The following PKNOX2 variants were observed in gnomAD, a reference collection of about 807,000 sequenced individuals.
The protein encoded by PKNOX2 is PBX/knotted 1 homeobox 2.
Under a neutral mutation model 53.1 loss-of-function variants are expected in PKNOX2, and 14 were observed. The ratio of observed to expected loss-of-function variants is 0.26; its 90% CI spans 0.17 to 0.41. The LOEUF (loss-of-function observed/expected upper bound fraction) is 0.41, where lower values mean the gene tolerates loss of function less well. Ranked by LOEUF, PKNOX2 falls within the 10% of genes least tolerant of loss-of-function variation. The pLI, the probability that PKNOX2 is intolerant of heterozygous loss-of-function variation, is 1.00. For missense variants in PKNOX2, 496 were observed against 602.8 expected (o/e 0.82, Z 1.85); for synonymous variants, 257 against 242.8 (o/e 1.06, Z -0.54).
intron 1 of PKNOX2, among the ~76,000 whole-genome samples, chr11:125,172,832 C>G (rs755355523): frequency 3.3e-4 from 50 of 152,312 alleles, no homozygotes; most frequent in Admixed American, 2.0e-4. Flanking sequence ...GTCTTAAGGA[C>G]AGTGGGGGCC....
At position 125,243,804 on chromosome 11, in the gene PKNOX2, A is replaced by G. The variant is rs559513696; in HGVS notation, c.-130+8689A>G. On this transcript the variant is annotated intron_variant, in intron 2 of 12. Transcript: ENST00000298282. ...TGCCTGGCTAATTTTTTGTATTTTT[A>G]GTAGAGACGGGGTTTCACTGTGTTA... is the stretch of plus-strand genomic sequence containing the variant. Among the ~76,000 whole-genome samples, 164 of 152,052 alleles carry G rather than the reference A, an allele frequency of 1.1e-3. 1 individual carries two copies. The highest frequency in any genetic ancestry group is 3.8e-3 in the African/African-American group (158 of 41,478).
intron 10 of PKNOX2, among the ~76,000 whole-genome samples, chr11:125,425,883 C>T (rs538609879): frequency 7.2e-6 from 1 of 138,716 alleles, no homozygotes; most frequent in South Asian, 2.6e-4. Flanking sequence ...CTGCTACTTA[C>T]CCCACAGCCC....
intron 1 of PKNOX2, among the ~76,000 whole-genome samples, chr11:125,198,638 G>A (rs1938042947): frequency 6.6e-6 from 1 of 152,066 alleles, no homozygotes; most frequent in Admixed American, 6.5e-5. Context: ...TCCGACCTGT[G>A]ATAACAGGGG....
intron 1 of PKNOX2, among the ~76,000 whole-genome samples, chr11:125,199,213 A>G (rs1316979965): frequency 6.6e-6 from 1 of 151,502 alleles, no homozygotes; most frequent in Non-Finnish European, 1.5e-5. Flanking sequence ...GTGGCATGTT[A>G]TTTCCCTTGT....
rs572290603 is a variant in PKNOX2 at position 125,348,649 on chromosome 11, C to G, written c.-22-2635C>G. Reference sequence around the variant, plus strand: ...CTCCCCTCCTTAACCCCACACAGGGCAGCCCTCCTGCTGCTACAAATATTT... The same window carrying G: ...CTCCCCTCCTTAACCCCACACAGGGGAGCCCTCCTGCTGCTACAAATATTT... On this transcript the variant is annotated intron_variant, in intron 3 of 12. Transcript: ENST00000298282. Among the ~76,000 whole-genome samples the G allele has an allele frequency of 3.0e-4, 45 of 152,384 alleles. No homozygotes were observed. The South Asian group carries it at 8.7e-3, about 29-fold the overall frequency.
intron 1 of PKNOX2, among the ~76,000 whole-genome samples, chr11:125,194,424 G>C (rs1565466315): frequency 6.6e-6 from 1 of 152,208 alleles, no homozygotes; most frequent in African/African-American, 2.4e-5. Context: ...GGTGCTGGGG[G>C]ATTCACAGGC....
At chr11:125,201,606 G>A (rs1449439954) in intron 1 of PKNOX2, among the ~76,000 whole-genome samples, 1 of 152,142 alleles carries the variant, frequency 6.6e-6, no homozygotes, top group Non-Finnish European at 1.5e-5. Context: ...CGGCTGCCAA[G>A]CTAAGGAGTA....
At chr11:125,282,949 C>T (rs1311267838) in intron 2 of PKNOX2, among the ~76,000 whole-genome samples, 1 of 152,200 alleles carries the variant, frequency 6.6e-6, no homozygotes, top group East Asian at 1.9e-4. Context: ...GTCAGGAGTT[C>T]GAGACCAGCC....
chr11:125,223,068 G>A (rs1377215156), intron 1 of PKNOX2, among the ~76,000 whole-genome samples: 1 of 152,106 alleles, frequency 6.6e-6, no homozygotes, highest in African/African-American at 2.4e-5. Flanking sequence ...TGAGGATGTT[G>A]TAAATATTAC....
chr11:125,215,674 C>T lies in PKNOX2; in HGVS notation c.-200-19371C>T, dbSNP rs562435954. Among the ~76,000 whole-genome samples, 5 of 152,258 alleles carry T rather than the reference C, an allele frequency of 3.3e-5. 1 individual carries two copies. Among genetic ancestry groups the T allele is most frequent in the Admixed American group, 3.3e-4 (5 of 15,286 alleles). ...AGCTGAGGCAGGAGAATCACTTGAA[C>T]CTGGGAGGCAGAGGTTGCAGTGAGC... is the stretch of plus-strand genomic sequence containing the variant. On this transcript the variant is annotated intron_variant, in intron 1 of 12. Coordinates refer to ENST00000298282, the MANE Select transcript of PKNOX2 (RefSeq NM_001382323.2).
intron 10 of PKNOX2, 33 bp downstream of exon 10, chr11:125,411,898 C>G (rs772324511): frequency 1.2e-6 from 2 of 1,613,074 alleles, no homozygotes; most frequent in Non-Finnish European, 1.7e-6. Flanking sequence ...TGTGGAGTCC[C>G]GGCATGGGGT....
intron 5 of PKNOX2, among the ~76,000 whole-genome samples, chr11:125,380,750 A>T (rs759065059): frequency 2.6e-5 from 4 of 152,184 alleles, no homozygotes; most frequent in Non-Finnish European, 5.9e-5. Context: ...CCTGGCTCAC[A>T]CAGGGCCATT....
chr11:125,304,055 A>G (rs963218125), intron 2 of PKNOX2, among the ~76,000 whole-genome samples: 5 of 152,170 alleles, frequency 3.3e-5, no homozygotes, highest in East Asian at 3.9e-4. Flanking sequence ...GTCACAAGGG[A>G]CGTGGTTGGC....
chr11:125,247,268 C>T (rs1943635131), intron 2 of PKNOX2, among the ~76,000 whole-genome samples: 3 of 152,178 alleles, frequency 2.0e-5, no homozygotes, highest in Non-Finnish European at 4.4e-5. Context: ...CCCATGTTTA[C>T]CTGGTTGGAA....
At chr11:125,430,230 T>C in intron 12 of PKNOX2, 89 bp downstream of exon 12, 2 of 1,450,706 alleles carry the variant, frequency 1.4e-6, no homozygotes, top group South Asian at 2.7e-5. Context: ...ATTCAAGGGC[T>C]ATCTCCTTAC....
intron 3 of PKNOX2, among the ~76,000 whole-genome samples, chr11:125,349,400 T>A (rs1951176890): frequency 6.6e-6 from 1 of 152,118 alleles, no homozygotes; most frequent in African/African-American, 2.4e-5. Context: ...AAAAGGAAAT[T>A]GGATCTTAGG....
chr11:125,345,632 C>A (rs546533966), intron 3 of PKNOX2, among the ~76,000 whole-genome samples: 1 of 152,126 alleles, frequency 6.6e-6, no homozygotes, highest in Non-Finnish European at 1.5e-5. Context: ...AGGTTGACAC[C>A]GTTATTTCAA....
At chr11:125,382,238 CAATG>C (rs1269860421) in intron 5 of PKNOX2, among the ~76,000 whole-genome samples, 1 of 152,262 alleles carries the variant, frequency 6.6e-6, no homozygotes, top group Non-Finnish European at 1.5e-5. Context: ...CGTGTGCACA[CAATG>C]AAAACACACA....
At chr11:125,407,544 G>A (rs1274956836) in intron 7 of PKNOX2, among the ~76,000 whole-genome samples, 1 of 152,106 alleles carries the variant, frequency 6.6e-6, no homozygotes, top group East Asian at 1.9e-4. Context: ...CCAAACAAGG[G>A]ATTGAGAAGT....
Sources: allele counts gnomAD v4.1 joint callset (sites outside exome capture counted in the v4.1 genomes callset), GRCh38; gene constraint gnomAD v4.1.1; transcripts MANE v1.5; gene names NCBI Gene and HGNC (gene_info 2026-07-23, HGNC 2026-07-21).